Variants in NBPF15 observed in about 807,000 individuals in gnomAD.
NBPF15 encodes the protein NBPF family member NBPF15.
NBPF15 carries 74 observed loss-of-function variants against 62.2 expected under a neutral mutation model. The observed-to-expected ratio is 1.19, with a 90% confidence interval of 0.99 to 1.44. NBPF15 has a LOEUF of 1.44. Among genes scored for constraint, NBPF15 ranks in the 40% most tolerant of loss-of-function variants. The pLI, the probability that NBPF15 is intolerant of heterozygous loss-of-function variation, is 0.00. For missense variants in NBPF15, 790 were observed against 550.0 expected (o/e 1.44, Z -4.36); for synonymous variants, 244 against 209.7 (o/e 1.16, Z -1.41).
chr1:144,458,654 A>G (rs1650001986), intron 3 of NBPF15, among the ~76,000 whole-genome samples: 1 of 151,208 alleles, frequency 6.6e-6, no homozygotes, highest in Non-Finnish European at 1.5e-5. Context: ...CAGTCATCCG[A>G]TTTAAGAAAA....
chr1:144,423,148 C>T lies in NBPF15; in HGVS notation c.1878G>A (p.Gln626=), dbSNP rs372777254. The change falls in exon 22 of 22, where the codon CAG becomes CAA. Residue 626 remains glutamine, a synonymous_variant. Coordinates refer to ENST00000581897, the MANE Select transcript of NBPF15 (RefSeq NM_001385408.1). ...ATGAGTAAAACACACTTCTGTAGTG[C>T]TGGAATGAGTCAGGTTGTTCAAAGT... ...SMYFEQPDSF[Q]HYRSVFYSFE... 61 of 1,611,452 alleles carry T rather than the reference C, an allele frequency of 3.8e-5. 1 individual carries two copies. Among genetic ancestry groups the T allele is most frequent in the Middle Eastern group, 2.2e-4 (1 of 4,454 alleles).
Position 144,439,901 on chromosome 1 carries a change from A to T in NBPF15, c.103T>A (p.Phe35Ile), listed in dbSNP as rs1681554118. Reference sequence around the variant, plus strand: ...AAACATTTCTCTTTGAGGTTTCTGAACTGCTGTTTCTTCTCTGCCAACTGG... The same window carrying T: ...AAACATTTCTCTTTGAGGTTTCTGATCTGCTGTTTCTTCTCTGCCAACTGG... ...RPQLAEKKQQ[F>I]RNLKEKCFLT... The change falls in exon 8 of 22, where the codon TTC becomes ATC. Residue 35 changes from phenylalanine (F) to isoleucine (I), a missense_variant. By Grantham distance (21) the Phe-to-Ile change is conservative. Coordinates refer to ENST00000581897, the MANE Select transcript of NBPF15 (RefSeq NM_001385408.1). 1 of 1,611,316 alleles carries T rather than the reference A, an allele frequency of 6.2e-7. No homozygotes were observed. The highest frequency in any genetic ancestry group is 1.3e-5 in the African/African-American group (1 of 74,766).
In NBPF15 at chr1:144,434,990, T is replaced by G; in HGVS notation, c.772+121A>C. 3 of 1,575,354 alleles carry G rather than the reference T, an allele frequency of 1.9e-6. No homozygotes were observed. In the East Asian group the frequency reaches 6.7e-5, roughly 35 times the overall value. On this transcript the variant is annotated intron_variant, in intron 12 of 21. Coordinates refer to ENST00000581897, the MANE Select transcript of NBPF15 (RefSeq NM_001385408.1). ...AGAAGGACAAAAAAACTCCCTGATA[T>G]CTGTTTAGAAACCCATCACAGTTTT...
chr1:144,426,254 T>G, intron 18 of NBPF15, 24 bp downstream of exon 18: 6 of 572,810 alleles, frequency 1.0e-5, no homozygotes, highest in South Asian at 8.1e-5. Context: ...TGGAGGCTTA[T>G]CACCTTCACA....
chr1:144,435,597 C>A (rs1677608701), intron 11 of NBPF15, among the ~76,000 whole-genome samples, 184 bp downstream of exon 11: 1 of 152,078 alleles, frequency 6.6e-6, no homozygotes, highest in African/African-American at 2.4e-5. Context: ...GCAGACATGA[C>A]ACTCGGCACA....
rs587629759 is a variant in NBPF15 at position 144,451,757 on chromosome 1, G to A, written c.-431-887C>T. Among the ~76,000 whole-genome samples the A allele has an allele frequency of 7.1e-3, 1,080 of 151,372 alleles. 14 individuals carry two copies. The highest frequency in any genetic ancestry group is 0.011 in the Non-Finnish European group (749 of 67,886). ...GGGGGTAGGGTTACAGATTAACAGC[G>A]TCTCAAGGCAAAAGAATTTTTCTTA... On this transcript the variant is annotated intron_variant, in intron 4 of 21. Coordinates refer to ENST00000581897, the MANE Select transcript of NBPF15 (RefSeq NM_001385408.1).
chr1:144,444,634 A>G (rs1685937122), intron 6 of NBPF15, among the ~76,000 whole-genome samples: 1 of 151,962 alleles, frequency 6.6e-6, no homozygotes. Context: ...TCACTTATGT[A>G]TTTAGATGAA....
At position 144,461,511 on chromosome 1, in the gene NBPF15, G is replaced by C. The variant is rs1158001631; in HGVS notation, c.-1068C>G. 1 of 152,922 alleles carries C rather than the reference G, an allele frequency of 6.5e-6. No homozygotes were observed. Among genetic ancestry groups the C allele is most frequent in the African/African-American group, 2.4e-5 (1 of 41,422 alleles). The allele number at this position is 152,922 out of a possible 1,614,324, so 9.5% of individuals were successfully genotyped here. On this transcript the variant is annotated 5_prime_UTR_variant, in exon 1 of 22. Coordinates refer to ENST00000581897, the MANE Select transcript of NBPF15 (RefSeq NM_001385408.1). ...CCGCTCCTGGCGCCACAGGTCGCCC[G>C]TCCCGCGTTCCCAAAAGCACCGCGT... is the stretch of plus-strand genomic sequence containing the variant.
At chr1:144,428,178 G>GAC (rs782021320) in intron 15 of NBPF15, among the ~76,000 whole-genome samples, 188 bp from the exon 16 acceptor site, 9,587 of 132,412 alleles carry the variant, frequency 0.072, 379 homozygotes, top group Middle Eastern at 0.099. Flanking sequence ...GAAAGAGAAA[G>GAC]ACACACACAC....
At chr1:144,433,202 C>A (rs1181202025) in intron 13 of NBPF15, among the ~76,000 whole-genome samples, 4 of 151,940 alleles carry the variant, frequency 2.6e-5, no homozygotes, top group African/African-American at 9.7e-5. Flanking sequence ...TGAATGACTA[C>A]TGGGAAAATA....
intron 3 of NBPF15, among the ~76,000 whole-genome samples, chr1:144,458,271 G>A (rs1482260435): frequency 6.6e-6 from 1 of 151,954 alleles, no homozygotes; most frequent in Non-Finnish European, 1.5e-5. Flanking sequence ...GCCTTGACAG[G>A]AAGATTGTAA....
chr1:144,426,935 A>G lies in NBPF15; in HGVS notation c.1265+112T>C. The G allele has an allele frequency of 9.9e-6, 6 of 608,130 alleles. No homozygotes were observed. The South Asian group carries it at 1.2e-4, about 12-fold the overall frequency. 37.7% of individuals were successfully genotyped at this position (608,130 alleles called of 1,614,324 possible). On this transcript the variant is annotated intron_variant, in intron 17 of 21. Coordinates refer to ENST00000581897, the MANE Select transcript of NBPF15 (RefSeq NM_001385408.1). ...GAAAACCAACAGCAATGTCAGGAGG[A>G]GTAATTCAACCTTCGTTGAAAACAT...
rs9438288 is a variant in NBPF15 at position 144,453,556 on chromosome 1, T to G, written c.-431-2686A>C. Among the ~76,000 whole-genome samples the G allele has an allele frequency of 7.7e-4, 109 of 140,848 alleles. 1 individual carries two copies. The highest frequency in any genetic ancestry group is 3.4e-3 in the East Asian group (16 of 4,756). The allele number at this position is 140,848 out of a possible 152,430, so 92.4% of individuals were successfully genotyped here. On this transcript the variant is annotated intron_variant, in intron 4 of 21. Transcript: ENST00000581897. Reference sequence around the variant, plus strand: ...ATGGAAAAAGCAAGTCACAGACTGGTAGAAAATATTTACAAAATAATCTGA... The same window carrying G: ...ATGGAAAAAGCAAGTCACAGACTGGGAGAAAATATTTACAAAATAATCTGA...
At chr1:144,457,178 C>A (rs1224862202) in intron 3 of NBPF15, among the ~76,000 whole-genome samples, 1 of 151,932 alleles carries the variant, frequency 6.6e-6, no homozygotes, top group Non-Finnish European at 1.5e-5. Context: ...AGAGTCCTGA[C>A]TAAATACTTG....
At chr1:144,440,640 GTT>G (rs1682102629) in intron 6 of NBPF15, 1 of 153,296 alleles carries the variant, frequency 6.5e-6, no homozygotes, top group Non-Finnish European at 1.4e-5. Context: ...ATGTTCTCTT[GTT>G]TTGACTTTTT....
At chr1:144,423,699 G>C (rs1397523967) in intron 21 of NBPF15, among the ~76,000 whole-genome samples, 171 bp downstream of exon 21, 4 of 151,950 alleles carry the variant, frequency 2.6e-5, no homozygotes, top group Non-Finnish European at 4.4e-5. Context: ...ATGATAAGGG[G>C]AGGAAGAAAT....
Position 144,429,703 on chromosome 1 carries a change from C to T in NBPF15, c.985G>A (p.Gly329Ser). 1.7e-6 allele frequency: 1 copy of T among 600,356 alleles called. No individual in the cohort carries two copies. The highest frequency in any genetic ancestry group is 2.8e-5 in the East Asian group (1 of 36,190). The allele number at this position is 600,356 out of a possible 1,614,324, so 37.2% of individuals were successfully genotyped here. A position where few individuals can be genotyped will look rare whatever the true frequency, so the allele number is the denominator to read the frequency against. ...EQQVCMAVDI[G>S]RHRWDQVKKE... ...ACCTTCACAATGGAGTACTCACTGC[C>T]TATGTCAACAGCCATGCAGACTTGC... The change falls in exon 14 of 22, where the codon GGC (glycine) becomes AGC (serine). Residue 329 changes from glycine to serine, a missense_variant. Gly to Ser is a moderately conservative substitution (Grantham distance 56). Transcript: ENST00000581897.
chr1:144,461,424 G>C lies in NBPF15; in HGVS notation c.-981C>G, dbSNP rs367673311. ...CGGCGCCTTCACCTCGGAAACGCTG[G>C]GTGGACTTCGCTGTAAACCGTAACT... On this transcript the variant is annotated 5_prime_UTR_variant, in exon 1 of 22. Transcript: ENST00000581897. The C allele has an allele frequency of 6.6e-6, 1 of 152,114 alleles. No individual in the cohort carries two copies. The highest frequency in any genetic ancestry group is 1.9e-4 in the East Asian group (1 of 5,152). 9.4% of individuals were successfully genotyped at this position (152,114 alleles called of 1,614,324 possible).
chr1:144,423,493 G>C (rs1187259302), intron 21 of NBPF15, among the ~76,000 whole-genome samples: 26 of 152,064 alleles, frequency 1.7e-4, no homozygotes, highest in East Asian at 1.4e-3. Flanking sequence ...GAGAAAGTGA[G>C]CTAGTGAATT....
Sources: allele counts gnomAD v4.1 joint callset (sites outside exome capture counted in the v4.1 genomes callset), GRCh38; gene constraint gnomAD v4.1.1; transcripts MANE v1.5; gene names NCBI Gene and HGNC (gene_info 2026-07-23, HGNC 2026-07-21).